The following EPS8L1 variants were observed in gnomAD, a reference collection of about 807,000 sequenced individuals.
EPS8L1 encodes the protein EPS8 signaling adaptor L1, also known as epidermal growth factor receptor kinase substrate 8-like protein 1.
Under a neutral mutation model 91.7 loss-of-function variants are expected in EPS8L1, and 101 were observed. The observed-to-expected ratio is 1.10, with a 90% CI of 0.94 to 1.30. The LOEUF (loss-of-function observed/expected upper bound fraction) is 1.30, where lower values mean the gene tolerates loss of function less well. Among genes scored for constraint, EPS8L1 ranks in the 50% most tolerant of loss-of-function variants. The probability of loss-of-function intolerance (pLI) is 0.00; values close to 1 mark genes in which losing one functional copy is unlikely to be tolerated. For synonymous variants in EPS8L1, 506 were observed against 445.3 expected (o/e 1.14, Z -1.72); for missense variants, 1,114 against 1,017.0 (o/e 1.10, Z -1.30).
In EPS8L1 at chr19:55,087,857, A is replaced by C; in HGVS notation, c.*243A>C. The C allele has an allele frequency of 1.8e-6, 1 of 543,038 alleles. No individual in the cohort carries two copies. Among genetic ancestry groups the C allele is most frequent in the Non-Finnish European group, 3.3e-6 (1 of 300,486 alleles). The allele number at this position is 543,038 out of a possible 1,614,324, so 33.6% of individuals were successfully genotyped here. A position where few individuals can be genotyped will look rare whatever the true frequency, so the allele number is the denominator to read the frequency against. On this transcript the variant is annotated 3_prime_UTR_variant, in exon 20 of 20. Coordinates refer to ENST00000201647, the MANE Select transcript of EPS8L1 (RefSeq NM_133180.3). ...CGGAAAGCGCTAGCAGACCCCCGAG[A>C]GGGTGCAGTGGAGCCCTGAGCATTG...
intron 17 of EPS8L1, 77 bp from the exon 18 acceptor site, chr19:55,086,637 C>CCCCCCCCCCCCCCCCCCGGGG: frequency 2.2e-6 from 3 of 1,374,358 alleles, no homozygotes; most frequent in Non-Finnish European, 2.0e-6. Context: ...GCTGGAGCGC[C>CCCCCCCCCCCCCCCCCCGGGG]CCCCCGCCCC....
chr19:55,078,394 A>G (rs879914054), intron 3 of EPS8L1, among the ~76,000 whole-genome samples: 2 of 53,258 alleles, frequency 3.8e-5, no homozygotes, highest in Non-Finnish European at 3.4e-5. Flanking sequence ...GTCAGAGGGA[A>G]GAGGGGCTGG....
intron 7 of EPS8L1, 48 bp downstream of exon 7, chr19:55,080,902 C>T (rs1304951968): frequency 6.6e-7 from 1 of 1,507,262 alleles, no homozygotes; most frequent in Non-Finnish European, 9.0e-7. Context: ...GGTTTCCCCT[C>T]CTTGTGCCTC....
Position 55,081,029 on chromosome 19 carries a change from T to G in EPS8L1, c.512+175T>G. On this transcript the variant is annotated intron_variant, in intron 7 of 19. Transcript: ENST00000201647. This position sits in a 1 kb window ranked among gnomAD's most constrained non-coding sequence, Gnocchi z 4.9. ...GACCCCTTCTCCAGAACTCTGCTTC[T>G]TTTCTCTGTTCCCTGTCCAGGCCCT... is the stretch of plus-strand genomic sequence containing the variant. 1 of 916,548 alleles carries G rather than the reference T, an allele frequency of 1.1e-6. No individual in the cohort carries two copies. The highest frequency in any genetic ancestry group is 3.0e-5 in the Admixed American group (1 of 33,692). The allele number at this position is 916,548 out of a possible 1,614,324, so 56.8% of individuals were successfully genotyped here.
chr19:55,086,507 C>T lies in EPS8L1; in HGVS notation c.1766C>T (p.Pro589Leu). Reference protein sequence around the residue: ...DSCDSLNGLDPSEKEKFSQML... With the variant: ...DSCDSLNGLDLSEKEKFSQML... ...TGCGATAGCCTCAACGGCTTGGACC[C>T]CAGCGAGAAGGGTGAGTGGTGGGGA... The change falls in exon 17 of 20, where the codon CCC becomes CTC. Residue 589 changes from proline (P) to leucine (L), a missense_variant. Physicochemically the swap from Pro to Leu is moderately conservative, Grantham distance 98. Transcript: ENST00000201647. The T allele has an allele frequency of 6.4e-7, 1 of 1,551,276 alleles. No homozygotes were observed. The highest frequency in any genetic ancestry group is 8.7e-7 in the Non-Finnish European group (1 of 1,146,896).
intron 2 of EPS8L1, among the ~76,000 whole-genome samples, 148 bp from the exon 3 acceptor site, chr19:55,077,931 TCAATAATAA>T (rs1334712100): frequency 1.7e-4 from 24 of 138,694 alleles, no homozygotes; most frequent in Admixed American, 3.8e-4. Flanking sequence ...GCTCTCCTGC[TCAATAATAA>T]TAATAATAAT....
At position 55,083,518 on chromosome 19, in the gene EPS8L1, A is replaced by C; in HGVS notation, c.1355A>C (p.Gln452Pro). 6.2e-7 allele frequency: 1 copy of C among 1,609,304 alleles called. No individual in the cohort carries two copies. Among genetic ancestry groups the C allele is most frequent in the Non-Finnish European group, 8.5e-7 (1 of 1,178,192 alleles). Residue 452 changes from glutamine to proline, a missense_variant and splice_region_variant, in exon 13 of 20, where the codon CAG (glutamine) becomes CCG (proline). Transcript: ENST00000201647. The surrounding 1 kb of genome is among the most constrained non-coding windows in gnomAD (Gnocchi z 4.7). ...KQLQHERRRR[Q>P]QSAPQVAVNG... The stretch of plus-strand genomic sequence containing the variant: ...CTACAGCACGAGCGGAGGCGCCGGC[A>C]GGTGACCCAAGCGACACAGCAGGGC...
In EPS8L1 at chr19:55,081,198, A is replaced by G; in HGVS notation, c.513-33A>G. The G allele has an allele frequency of 6.7e-7, 1 of 1,485,672 alleles. No homozygotes were observed. Among genetic ancestry groups the G allele is most frequent in the Non-Finnish European group, 8.9e-7 (1 of 1,127,698 alleles). The allele number at this position is 1,485,672 out of a possible 1,614,324, so 92.0% of individuals were successfully genotyped here. ...TCCCCCTCCCTGGACCCCTCAGTGG[A>G]CCCAGTCTTGGTGTCCCCGTCGCCC... On this transcript the variant is annotated intron_variant, in intron 7 of 19. Transcript: ENST00000201647. This position sits in a 1 kb window ranked among gnomAD's most constrained non-coding sequence, Gnocchi z 4.9.
intron 5 of EPS8L1, 91 bp from the exon 6 acceptor site, chr19:55,080,038 G>A (rs2076220283): frequency 1.4e-6 from 2 of 1,449,982 alleles, no homozygotes; most frequent in Admixed American, 2.7e-5. Context: ...ACCGCCTGAG[G>A]TTGCCCTGAC....
rs2076274866 is a variant in EPS8L1, at chr19:55,081,964, C to A, written c.901+65C>A. The A allele has an allele frequency of 6.4e-7, 1 of 1,561,926 alleles. No individual in the cohort carries two copies. Among genetic ancestry groups the A allele is most frequent in the Non-Finnish European group, 8.7e-7 (1 of 1,152,864 alleles). ...ATCTCTTCCAAATGTCCCCGCTCTC[C>A]CCAGGCTCTCCCCTCCCGCCACTTG... On this transcript the variant is annotated intron_variant, in intron 9 of 19. Coordinates refer to ENST00000201647, the MANE Select transcript of EPS8L1 (RefSeq NM_133180.3). The surrounding 1 kb of genome is among the most constrained non-coding windows in gnomAD (Gnocchi z 4.9).
Position 55,086,798 on chromosome 19 carries a change from C to G in EPS8L1, c.1862C>G (p.Pro621Arg), listed in dbSNP as rs775540079. 4.6e-5 allele frequency: 73 copies of G among 1,600,038 alleles called. No homozygotes were observed. The highest frequency in any genetic ancestry group is 3.5e-4 in the Middle Eastern group (2 of 5,658). Residue 621 changes from proline (P) to arginine (R), a missense_variant, in exon 18 of 20, where the codon CCA becomes CGA. Pro to Arg is a moderately radical substitution (Grantham distance 103, BLOSUM62 -2). Transcript: ENST00000201647. The part of the protein sequence containing the change: ...QGRSGPSRAV[P>R]GPRAPEPQLS... ...CGCTCGGGACCGAGCCGCGCAGTCC[C>G]AGGGCCCCGCGCCCCGGAACCGCAG...
In EPS8L1 at chr19:55,083,775, G is replaced by T; in HGVS notation, c.1385+131G>T. On this transcript the variant is annotated intron_variant, in intron 14 of 19. Transcript: ENST00000201647. The surrounding 1 kb of genome is among the most constrained non-coding windows in gnomAD (Gnocchi z 4.7). ...TTCCTGGCTCTTCTCAGGTGGGTGA[G>T]ATGGTGATGGGGCGGGCCGGGGCTG... 9 of 757,970 alleles carry T rather than the reference G, an allele frequency of 1.2e-5. No homozygotes were observed. Among genetic ancestry groups the T allele is most frequent in the Non-Finnish European group, 1.4e-5 (7 of 499,396 alleles). The allele number at this position is 757,970 out of a possible 1,614,324, so 47.0% of individuals were successfully genotyped here. A position where few individuals can be genotyped will look rare whatever the true frequency, so the allele number is the denominator to read the frequency against.
chr19:55,080,143 G>A lies in EPS8L1; in HGVS notation c.294G>A (p.Ser98=). The part of the protein sequence containing the change: ...LDPASKEELE[S]YPLGAIVRCD... ...CCACCCGGCAGGAGGAGCTGGAGTC[G>A]TACCCACTGGGCGCCATCGTGCGCT... Residue 98 remains serine (S), a synonymous_variant, in exon 6 of 20, where the codon TCG becomes TCA. Coordinates refer to ENST00000201647, the MANE Select transcript of EPS8L1 (RefSeq NM_133180.3). 10 of 1,506,244 alleles carry A rather than the reference G, an allele frequency of 6.6e-6. No homozygotes were observed. The highest frequency in any genetic ancestry group is 8.9e-6 in the Non-Finnish European group (10 of 1,120,946). The allele number at this position is 1,506,244 out of a possible 1,614,324, so 93.3% of individuals were successfully genotyped here.
Position 55,083,936 on chromosome 19 carries a change from C to T in EPS8L1, c.1385+292C>T, listed in dbSNP as rs3786865. The T allele has an allele frequency of 3.0e-3, 1,832 of 602,620 alleles. 36 individuals are homozygous for T. In the East Asian group the frequency reaches 0.043, roughly 14 times the overall value. 37.3% of individuals were successfully genotyped at this position (602,620 alleles called of 1,614,324 possible). ...GTGGGTAAAGTCTGAGAGGTTGGAT[C>T]CCTGGATCCCCAAAAGGCTGGAAGA... On this transcript the variant is annotated intron_variant, in intron 14 of 19. Coordinates refer to ENST00000201647, the MANE Select transcript of EPS8L1 (RefSeq NM_133180.3). This position sits in a 1 kb window ranked among gnomAD's most constrained non-coding sequence, Gnocchi z 4.7.
Position 55,083,236 on chromosome 19 carries a change from G to T in EPS8L1, c.1215-142G>T, listed in dbSNP as rs972441611. On this transcript the variant is annotated intron_variant, in intron 12 of 19. Coordinates refer to ENST00000201647, the MANE Select transcript of EPS8L1 (RefSeq NM_133180.3). The surrounding 1 kb of genome is among the most constrained non-coding windows in gnomAD (Gnocchi z 4.7). ...CTGTTGAGTTGGGCTTAGAGCTACC[G>T]GCAGGACTTGGTGAAAAGTGGCGGG... 26 of 1,144,402 alleles carry T rather than the reference G, an allele frequency of 2.3e-5. No homozygotes were observed. The highest frequency in any genetic ancestry group is 2.2e-4 in the African/African-American group (14 of 64,556). The allele number at this position is 1,144,402 out of a possible 1,614,324, so 70.9% of individuals were successfully genotyped here. A position where few individuals can be genotyped will look rare whatever the true frequency, so the allele number is the denominator to read the frequency against.
chr19:55,087,047 G>A (rs1305473488), intron 18 of EPS8L1, 159 bp downstream of exon 18: 7 of 1,081,398 alleles, frequency 6.5e-6, no homozygotes, highest in Non-Finnish European at 8.9e-6. Context: ...CCAATGGCAG[G>A]CTGTGATTGC....
At chr19:55,079,555 T>C (rs1019882582) in intron 4 of EPS8L1, 135 bp from the exon 5 acceptor site, 30 of 1,039,128 alleles carry the variant, frequency 2.9e-5, no homozygotes, top group Non-Finnish European at 3.3e-5. Flanking sequence ...AGCTGATTTG[T>C]GGAACAGGTG....
Position 55,081,562 on chromosome 19 carries a change from C to T in EPS8L1, c.774+70C>T. ...GAGGCGGGGCTAGGGCGTGGAAGGG[C>T]GGGGCCGGCTGCGGGACGGGCGTTC... On this transcript the variant is annotated intron_variant, in intron 8 of 19. Transcript: ENST00000201647. The surrounding 1 kb of genome is among the most constrained non-coding windows in gnomAD (Gnocchi z 4.9). 7.2e-7 allele frequency: 1 copy of T among 1,397,760 alleles called. No homozygotes were observed. 86.6% of individuals were successfully genotyped at this position (1,397,760 alleles called of 1,614,324 possible). A position where few individuals can be genotyped will look rare whatever the true frequency, so the allele number is the denominator to read the frequency against.
rs2147166022 is a variant in EPS8L1 at position 55,086,842 on chromosome 19, G to C, written c.1906G>C (p.Ala636Pro). The change falls in exon 18 of 20, where the codon GCC becomes CCC. Residue 636 changes from alanine to proline, a missense_variant. Physicochemically the swap from Ala to Pro is conservative, Grantham distance 27. Coordinates refer to ENST00000201647, the MANE Select transcript of EPS8L1 (RefSeq NM_133180.3). ...ACCGCAGCTCAGCCCGGGCTCGGAC[G>C]CCTCCGAGGTCCGCGCCTGGCTGCA... ...PEPQLSPGSD[A>P]SEVRAWLQAK... 1.3e-6 allele frequency: 2 copies of C among 1,511,358 alleles called. No individual in the cohort carries two copies. Among genetic ancestry groups the C allele is most frequent in the Non-Finnish European group, 1.8e-6 (2 of 1,134,482 alleles). 93.6% of individuals were successfully genotyped at this position (1,511,358 alleles called of 1,614,324 possible).
Sources: gnomAD v4.1 joint callset for allele counts (sites outside exome capture counted in the v4.1 genomes callset) on GRCh38, gnomAD v4.1.1 for gene constraint, Gnocchi (gnomAD v3.1) non-coding constraint, MANE v1.5 for transcripts, NCBI Gene and HGNC (gene_info 2026-07-23, HGNC 2026-07-21) for gene names.